HELZ: variants seen among roughly 807,000 people sequenced by gnomAD.
HELZ encodes the protein helicase with zinc finger, also known as ATP-dependent RNA helicase with zinc finger domain.
A neutral mutation model predicts 218.2 loss-of-function variants in HELZ; 23 were observed. That is an observed-to-expected ratio of 0.11 (90% CI 0.08 to 0.15). HELZ has a LOEUF of 0.15. Ranked by LOEUF, HELZ falls within the 10% of genes least tolerant of loss-of-function variation. HELZ has a pLI of 1.00. For synonymous variants in HELZ, 814 were observed against 829.4 expected (o/e 0.98, Z 0.32); for missense variants, 1,813 against 2,353.7 (o/e 0.77, Z 4.75).
intron 13 of HELZ, among the ~76,000 whole-genome samples, chr17:67,170,629 C>T (rs2039280938): frequency 6.6e-6 from 1 of 151,988 alleles, no homozygotes; most frequent in Non-Finnish European, 1.5e-5. Context: ...GAGTTCAAGA[C>T]CAGCCTAGCC....
Position 67,107,441 on chromosome 17 carries a change from T to C in HELZ, c.4969A>G (p.Ile1657Val). 6.2e-7 allele frequency: 1 copy of C among 1,614,140 alleles called. No homozygotes were observed. Among genetic ancestry groups the C allele is most frequent in the Non-Finnish European group, 8.5e-7 (1 of 1,180,022 alleles). The change falls in exon 31 of 33, where the codon ATA becomes GTA. Residue 1657 changes from isoleucine to valine, a missense_variant. Physicochemically the swap from Ile to Val is conservative, Grantham distance 29. Transcript: ENST00000358691. ...PAFPQRLPPQ[I>V]FNSPFSLPSE... ...GGCAACGAGAAAGGTGAGTTGAATA[T>C]CTGGGGTGGGAGGCGCTGTGGAAAT...
intron 24 of HELZ, 73 bp from the exon 25 acceptor site, chr17:67,124,087 T>C: frequency 2.0e-6 from 2 of 1,006,996 alleles, no homozygotes; most frequent in Non-Finnish European, 3.1e-6. Context: ...ATTTTCCTAA[T>C]CATATGTAAA....
intron 7 of HELZ, among the ~76,000 whole-genome samples, chr17:67,197,745 T>C (rs2040069153): frequency 6.6e-6 from 1 of 152,230 alleles, no homozygotes; most frequent in South Asian, 2.1e-4. Context: ...ACTATCACTA[T>C]AATTTATATG....
chr17:67,118,842 T>C (rs1253356294), intron 27 of HELZ, among the ~76,000 whole-genome samples: 3 of 151,616 alleles, frequency 2.0e-5, no homozygotes, highest in African/African-American at 7.3e-5. Flanking sequence ...GCAATAGATA[T>C]AAATAGAGGT....
chr17:67,243,350 G>A (rs72838482), intron 2 of HELZ, among the ~76,000 whole-genome samples: 1 of 152,038 alleles, frequency 6.6e-6, no homozygotes, highest in Non-Finnish European at 1.5e-5. Flanking sequence ...AACGGAAAGG[G>A]TATACTTTAC....
rs747662483 is a variant in HELZ at position 67,203,351 on chromosome 17, T to C, written c.340A>G (p.Ile114Val). The C allele has an allele frequency of 2.1e-5, 34 of 1,614,020 alleles. No homozygotes were observed. In the East Asian group the frequency reaches 7.4e-4, roughly 35 times the overall value. Residue 114 changes from isoleucine to valine, a missense_variant, in exon 6 of 33, where the codon ATT (isoleucine) becomes GTT (valine). Around this residue, in one of 4 missense-constraint regions of HELZ, gnomAD observed 714 missense variants for 1,029.2 expected, o/e 0.69. Transcript: ENST00000358691. ...TCTCCTGTGAGTGACTTGGCAAGAATGGTGGATACAGGTTGGAGCTTCCCT... is the reference window on the plus strand; with the variant it reads ...TCTCCTGTGAGTGACTTGGCAAGAACGGTGGATACAGGTTGGAGCTTCCCT... ...LKGKLQPVST[I>V]LAKSLTGESL...
In HELZ at chr17:67,078,321, C is replaced by G. The variant is rs749074466; in HGVS notation, c.5760G>C (p.Leu1920=). The change falls in exon 33 of 33, where the codon CTG becomes CTC. Residue 1920 remains leucine, a synonymous_variant. Transcript: ENST00000358691. ...CTAGGCTCAGTTCCTGGAAGAGAGA[C>G]AGAGGGTCGCTACTCTTCTTGGCCT... The part of the protein sequence containing the change: ...PEQAKKSSDP[L]SLFQELSLGS... The G allele has an allele frequency of 3.1e-6, 5 of 1,614,050 alleles. No individual in the cohort carries two copies. The highest frequency in any genetic ancestry group is 1.7e-5 in the Admixed American group (1 of 60,026).
intron 21 of HELZ, 48 bp downstream of exon 21, chr17:67,145,695 C>T (rs368711922): frequency 4.4e-5 from 65 of 1,477,366 alleles, no homozygotes; most frequent in Admixed American, 5.4e-5. Context: ...CAAAACTAGA[C>T]GATGTGACTG....
At chr17:67,178,626 T>A in intron 13 of HELZ, 33 bp downstream of exon 13, 1 of 1,559,106 alleles carries the variant, frequency 6.4e-7, no homozygotes, top group Non-Finnish European at 8.7e-7. Flanking sequence ...AAGGGGAGAT[T>A]TTTTGTTTTA....
chr17:67,201,430 A>C (rs1288710590), intron 6 of HELZ, among the ~76,000 whole-genome samples: 1 of 152,224 alleles, frequency 6.6e-6, no homozygotes, highest in African/African-American at 2.4e-5. Flanking sequence ...TATTCACCTT[A>C]CATTAATTAA....
intron 3 of HELZ, among the ~76,000 whole-genome samples, chr17:67,223,744 T>C (rs1290102963): frequency 1.3e-5 from 2 of 151,754 alleles, no homozygotes; most frequent in Admixed American, 1.3e-4. Flanking sequence ...AGAGCAAGAC[T>C]CCCTCTCAAA....
Position 67,074,851 on chromosome 17 carries a change from CTGA to C in HELZ, c.*3398_*3400del, listed in dbSNP as rs1330841294. 1 of 140,230 alleles carries C rather than the reference CTGA, an allele frequency of 7.1e-6. No individual in the cohort carries two copies. The highest frequency in any genetic ancestry group is 1.6e-5 in the Non-Finnish European group (1 of 63,784). The allele number at this position is 140,230 out of a possible 1,614,324, so 8.7% of individuals were successfully genotyped here. On this transcript the variant is annotated 3_prime_UTR_variant, in exon 33 of 33. Transcript: ENST00000358691. The stretch of plus-strand genomic sequence containing the variant: ...ATTAAACCTAAACTTATTCTAAAAT[CTGA>C]TGATTTAAAAAAAAAAAAAATCTAC...
Position 67,167,682 on chromosome 17 carries a change from T to C in HELZ, c.1545A>G (p.Glu515=), listed in dbSNP as rs2039186377. Residue 515 remains glutamate (E), a synonymous_variant, in exon 14 of 33, where the codon GAA becomes GAG. Coordinates refer to ENST00000358691, the MANE Select transcript of HELZ (RefSeq NM_014877.4). ...CAGCCAAAGTATCTTCAGAAAGTGT[T>C]TCAGTAAGCTTAAAGCGACCAAAAA... ...GQLFGRFKLT[E]TLSEDTLAGR... The C allele has an allele frequency of 5.0e-6, 8 of 1,614,168 alleles. No individual in the cohort carries two copies. The highest frequency in any genetic ancestry group is 5.9e-6 in the Non-Finnish European group (7 of 1,180,020).
chr17:67,245,373 T>C (rs562687871), upstream of HELZ: 1,980 of 749,182 alleles, frequency 2.6e-3, 9 homozygotes, highest in Non-Finnish European at 3.1e-3. Flanking sequence ...GCTGACGGCA[T>C]TGAAAATTCA....
intron 17 of HELZ, among the ~76,000 whole-genome samples, chr17:67,154,988 G>A (rs991295574): frequency 3.3e-5 from 5 of 152,096 alleles, no homozygotes; most frequent in Non-Finnish European, 7.3e-5. Context: ...GCAGTTATGA[G>A]CCACATTTTA....
In HELZ at chr17:67,218,805, G is replaced by T; in HGVS notation, c.-1C>A. On this transcript the variant is annotated 5_prime_UTR_variant, in exon 4 of 33. Coordinates refer to ENST00000358691, the MANE Select transcript of HELZ (RefSeq NM_014877.4). ...ACTTTTCAGCTCTTCTGTCTTCCAT[G>T]ACTCAGGGACAAAAATCCTACAGAC... 2 of 1,613,780 alleles carry T rather than the reference G, an allele frequency of 1.2e-6. No individual in the cohort carries two copies. Among genetic ancestry groups the T allele is most frequent in the South Asian group, 2.2e-5 (2 of 91,036 alleles).
intron 2 of HELZ, among the ~76,000 whole-genome samples, chr17:67,243,537 C>T (rs1434988817): frequency 6.6e-6 from 1 of 152,184 alleles, no homozygotes; most frequent in Admixed American, 6.5e-5. Flanking sequence ...TCAAGAATAG[C>T]TGCAAGTAAC....
intron 30 of HELZ, among the ~76,000 whole-genome samples, 169 bp from the exon 31 acceptor site, chr17:67,107,854 T>G (rs1476245908): frequency 6.6e-6 from 1 of 152,192 alleles, no homozygotes; most frequent in African/African-American, 2.4e-5. Context: ...GATGCTGAGG[T>G]GAAGAAATTA....
chr17:67,163,405 T>TTTTC (rs869089348), intron 15 of HELZ, among the ~76,000 whole-genome samples: 3 of 124 alleles, frequency 0.024, no homozygotes, highest in Non-Finnish European at 0.045. Context: ...ACTTAGTATC[T>TTTTC]TTTTCTTTTT....
Sources: allele counts gnomAD v4.1 joint callset (sites outside exome capture counted in the v4.1 genomes callset), GRCh38; gene constraint gnomAD v4.1.1; regional missense constraint gnomAD v4.1.1; transcripts MANE v1.5; gene names NCBI Gene and HGNC (gene_info 2026-07-23, HGNC 2026-07-21).